Variants in CBR4 observed in about 807,000 individuals in gnomAD.
CBR4 encodes the protein 3-oxoacyl-[acyl-carrier-protein] reductase.
Under a neutral mutation model 21.0 loss-of-function variants are expected in CBR4, and 22 were observed. That is an observed-to-expected ratio of 1.05 (90% CI 0.75 to 1.50). The LOEUF (loss-of-function observed/expected upper bound fraction) is 1.50. CBR4 is among the 40% of genes most tolerant of loss of function. The probability of loss-of-function intolerance (pLI) is 0.00; values close to 1 mark genes in which losing one functional copy is unlikely to be tolerated. For synonymous variants in CBR4, 100 were observed against 104.4 expected (o/e 0.96, Z 0.26); for missense variants, 302 against 286.3 (o/e 1.05, Z -0.40).
At chr4:168,997,990 T>C (rs1457476898) in intron 4 of CBR4, among the ~76,000 whole-genome samples, 1 of 152,120 alleles carries the variant, frequency 6.6e-6, no homozygotes. Context: ...GGAAGCAGAG[T>C]GGGAAATCAA....
intron 2 of CBR4, chr4:168,925,333 C>A: frequency 7.5e-7 from 1 of 1,328,170 alleles, no homozygotes; most frequent in Non-Finnish European, 1.1e-6. Context: ...ATTTCTCTTA[C>A]ATTGGCTAGT....
At chr4:168,994,414 A>T (rs1334185950) in intron 4 of CBR4, among the ~76,000 whole-genome samples, 2 of 152,194 alleles carry the variant, frequency 1.3e-5, no homozygotes, top group African/African-American at 4.8e-5. Context: ...ACGGTGCTGC[A>T]GGGATTTTGT....
chr4:168,987,166 A>G (rs1211057259), downstream of CBR4, among the ~76,000 whole-genome samples: 3 of 152,208 alleles, frequency 2.0e-5, no homozygotes, highest in Non-Finnish European at 4.4e-5. Context: ...AATTACTCAA[A>G]CTGAAAGCAT....
intron 2 of CBR4, among the ~76,000 whole-genome samples, chr4:168,897,605 C>A (rs1328252518): frequency 2.0e-5 from 3 of 152,014 alleles, no homozygotes; most frequent in African/African-American, 7.2e-5. Context: ...TACCACCATG[C>A]CCAGCTACTG....
chr4:168,992,804 T>C (rs928537498), intron 4 of CBR4, among the ~76,000 whole-genome samples: 2 of 152,160 alleles, frequency 1.3e-5, no homozygotes, highest in Non-Finnish European at 2.9e-5. Flanking sequence ...AGATAAAAAG[T>C]TGTTGAAAAA....
intron 2 of CBR4, among the ~76,000 whole-genome samples, chr4:168,952,815 G>A (rs1005659365): frequency 4.6e-5 from 7 of 152,198 alleles, no homozygotes; most frequent in Admixed American, 2.0e-4. Context: ...TTCCGGTAGA[G>A]GTGGCAGGGG....
At chr4:168,926,392 A>AT (rs1307211467) in intron 2 of CBR4, 1 of 1,534,638 alleles carries the variant, frequency 6.5e-7, no homozygotes, top group African/African-American at 1.4e-5. Flanking sequence ...GTAATCCAGC[A>AT]TTCTTGTTAA....
intron 4 of CBR4, among the ~76,000 whole-genome samples, chr4:168,995,664 T>G (rs1560986030): frequency 6.6e-6 from 1 of 152,154 alleles, no homozygotes; most frequent in East Asian, 1.9e-4. Flanking sequence ...CCCTTTTTGC[T>G]AGGTATACAT....
chr4:168,976,987 T>G (rs1764391990), intron 2 of CBR4, among the ~76,000 whole-genome samples: 3 of 152,222 alleles, frequency 2.0e-5, no homozygotes, highest in African/African-American at 7.2e-5. Context: ...GAAGCCAACT[T>G]TTCCCCCCTC....
chr4:168,902,667 T>C (rs1479955191), intron 2 of CBR4, among the ~76,000 whole-genome samples: 2 of 152,042 alleles, frequency 1.3e-5, no homozygotes, highest in African/African-American at 2.4e-5. Flanking sequence ...AACAAAACCT[T>C]AGAACTCGGA....
intron 1 of CBR4, 69 bp from the exon 2 acceptor site, chr4:169,007,825 A>C: frequency 8.5e-7 from 1 of 1,182,246 alleles, no homozygotes; most frequent in East Asian, 2.7e-5. Flanking sequence ...CACATTTGTT[A>C]AGCATCTATC....
At chr4:168,918,095 G>A (rs1760588392) in intron 2 of CBR4, among the ~76,000 whole-genome samples, 1 of 151,656 alleles carries the variant, frequency 6.6e-6, no homozygotes, top group African/African-American at 2.4e-5. Context: ...GCTACTCAGG[G>A]GGCTGAGGCA....
intron 2 of CBR4, among the ~76,000 whole-genome samples, chr4:168,894,996 C>A (rs113132683): frequency 1.3e-5 from 2 of 152,182 alleles, no homozygotes; most frequent in Non-Finnish European, 2.9e-5. Context: ...CACATTTTCG[C>A]CGACATTGTC....
intron 2 of CBR4, among the ~76,000 whole-genome samples, chr4:168,978,469 G>C (rs1391488472): frequency 1.3e-5 from 2 of 152,144 alleles, no homozygotes; most frequent in Admixed American, 6.5e-5. Context: ...ACATAAAACA[G>C]AAAAAAGACA....
chr4:168,948,435 T>G (rs570037249), intron 2 of CBR4, among the ~76,000 whole-genome samples: 9 of 152,346 alleles, frequency 5.9e-5, no homozygotes, highest in African/African-American at 2.2e-4. Context: ...CATGAAATCC[T>G]TACCTAAGCC....
At chr4:168,912,968 T>C (rs1365975441) in intron 2 of CBR4, among the ~76,000 whole-genome samples, 3 of 152,206 alleles carry the variant, frequency 2.0e-5, no homozygotes, top group Non-Finnish European at 4.4e-5. Context: ...CCACATATTT[T>C]AGGTATTTAA....
At chr4:168,929,204 C>T (rs1463645402) in intron 2 of CBR4, among the ~76,000 whole-genome samples, 3 of 152,178 alleles carry the variant, frequency 2.0e-5, no homozygotes, top group Non-Finnish European at 2.9e-5. Flanking sequence ...CACACACACA[C>T]ACCCATATTC....
In CBR4 at chr4:168,974,413, T is replaced by C. The variant is rs998635943; in HGVS notation, n.169+27658A>G. On this transcript the variant is annotated intron_variant and non_coding_transcript_variant, in intron 2 of 3. Coordinates refer to the CBR4 transcript ENST00000509108. ...GGTGATGATGTTTTGTGAAGAATTT[T>C]CCAGGTGTTCTTTGAGGTTCTTGTA... Among the ~76,000 whole-genome samples the C allele has an allele frequency of 1.3e-3, 204 of 152,342 alleles. 1 individual carries two copies. Among genetic ancestry groups the C allele is most frequent in the African/African-American group, 4.8e-3 (199 of 41,584 alleles).
chr4:168,972,213 T>C (rs1049546762), intron 2 of CBR4, among the ~76,000 whole-genome samples: 2 of 152,248 alleles, frequency 1.3e-5, no homozygotes, highest in African/African-American at 4.8e-5. Context: ...TCGGGTAATG[T>C]GATGCCTCCA....
Sources: gnomAD v4.1 joint callset for allele counts (sites outside exome capture counted in the v4.1 genomes callset) on GRCh38, gnomAD v4.1.1 for gene constraint, MANE v1.5 for transcripts, NCBI Gene and HGNC (gene_info 2026-07-23, HGNC 2026-07-21) for gene names.